The following PROM1 variants were observed in gnomAD, a reference collection of about 807,000 sequenced individuals.
PROM1 encodes the protein prominin 1, also known as prominin-1.
Under a neutral mutation model 116.9 loss-of-function variants are expected in PROM1, and 105 were observed. The ratio of observed to expected loss-of-function variants is 0.90; its 90% CI spans 0.77 to 1.06. The LOEUF (loss-of-function observed/expected upper bound fraction) is 1.06, where lower values mean the gene tolerates loss of function less well. PROM1 is among the 50% of genes least tolerant of loss of function. PROM1 has a pLI of 0.00. For synonymous variants in PROM1, 393 were observed against 387.0 expected (o/e 1.02, Z -0.18); for missense variants, 1,122 against 1,045.2 (o/e 1.07, Z -1.01).
At chr4:16,066,476 A>G (rs937379656) in intron 2 of PROM1, among the ~76,000 whole-genome samples, 4 of 152,198 alleles carry the variant, frequency 2.6e-5, no homozygotes, top group Admixed American at 6.5e-5. Context: ...TAACTTGTGC[A>G]ATGCAGAGCT....
chr4:16,004,827 C>CTTTCTTTCT (rs369019851), intron 13 of PROM1, among the ~76,000 whole-genome samples: 3,283 of 122,078 alleles, frequency 0.027, 45 homozygotes, highest in Non-Finnish European at 0.039. Context: ...TTCTTTCTTT[C>CTTTCTTTCT]TTTTTCTTCC....
chr4:15,996,927 T>C (rs1301917506), intron 15 of PROM1, among the ~76,000 whole-genome samples: 1 of 152,174 alleles, frequency 6.6e-6, no homozygotes, highest in Admixed American at 6.5e-5. Flanking sequence ...CGCCCTGTTA[T>C]TTTTAGTTTC....
intron 27 of PROM1, among the ~76,000 whole-genome samples, 160 bp downstream of exon 27, chr4:15,970,883 G>T (rs1227226166): frequency 6.6e-6 from 1 of 152,108 alleles, no homozygotes; most frequent in Non-Finnish European, 1.5e-5. Context: ...GAACCTGCAG[G>T]TACAGAGGGT....
chr4:15,987,241 T>C (rs1719662140), intron 20 of PROM1, among the ~76,000 whole-genome samples: 1 of 152,166 alleles, frequency 6.6e-6, no homozygotes, highest in African/African-American at 2.4e-5. Flanking sequence ...GGACATGAGG[T>C]GCCCCAGACA....
intron 3 of PROM1, among the ~76,000 whole-genome samples, chr4:16,036,327 C>A (rs1449141479): frequency 1.3e-5 from 2 of 152,130 alleles, no homozygotes; most frequent in African/African-American, 4.8e-5. Context: ...ATATTCTGGT[C>A]CAGGAAATCT....
chr4:16,080,315 T>C lies in PROM1; in HGVS notation c.-213+3663A>G, dbSNP rs377031758. ...GCGGGCGGATCACGAGGTCAGGAGA[T>C]CGAGACCATCCTGGCTAACATGGTG... On this transcript the variant is annotated intron_variant, in intron 1 of 27. Coordinates refer to ENST00000447510, the MANE Select transcript of PROM1 (RefSeq NM_006017.3). Among the ~76,000 whole-genome samples, 23 of 151,784 alleles carry C rather than the reference T, an allele frequency of 1.5e-4. No homozygotes were observed. The East Asian group carries it at 3.5e-3, about 23-fold the overall frequency.
At chr4:15,987,942 T>C (rs527434919) in intron 19 of PROM1, among the ~76,000 whole-genome samples, 10 of 148,452 alleles carry the variant, frequency 6.7e-5, no homozygotes. Flanking sequence ...AGTGGCACGA[T>C]CTCAGCTCAC....
intron 4 of PROM1, among the ~76,000 whole-genome samples, chr4:16,033,902 C>CATATAT (rs35739890): frequency 7.3e-4 from 107 of 147,158 alleles, no homozygotes; most frequent in African/African-American, 2.5e-3. Flanking sequence ...TGAATGTGTA[C>CATATAT]ATATATATAT....
intron 8 of PROM1, among the ~76,000 whole-genome samples, chr4:16,019,132 T>C (rs752885729): frequency 1.3e-5 from 2 of 152,136 alleles, no homozygotes; most frequent in Non-Finnish European, 2.9e-5. Flanking sequence ...TCATGCAACA[T>C]GGGGGTTAGA....
intron 26 of PROM1, chr4:15,976,116 G>C (rs1355310970): frequency 2.2e-6 from 1 of 450,018 alleles, no homozygotes. Context: ...GTCGTAAGCA[G>C]AATGACCACA....
At chr4:16,015,280 A>T (rs1728026233) in intron 10 of PROM1, among the ~76,000 whole-genome samples, 1 of 125,926 alleles carries the variant, frequency 7.9e-6, no homozygotes, top group East Asian at 2.6e-4. Flanking sequence ...TGGGAGGCAG[A>T]GGTTGCAGTG....
At chr4:15,973,298 T>A (rs978074529) in intron 26 of PROM1, among the ~76,000 whole-genome samples, 1 of 151,990 alleles carries the variant, frequency 6.6e-6, no homozygotes, top group African/African-American at 2.4e-5. Context: ...AACAGAAAAA[T>A]TAGCTGAGCA....
chr4:15,991,057 T>A (rs956908054), intron 18 of PROM1, among the ~76,000 whole-genome samples, 165 bp downstream of exon 18: 2 of 152,196 alleles, frequency 1.3e-5, no homozygotes, highest in African/African-American at 2.4e-5. Context: ...TTGGGACACA[T>A]GGCAATGGCT....
At chr4:16,014,536 C>T (rs1001367167) in intron 10 of PROM1, among the ~76,000 whole-genome samples, 1 of 152,192 alleles carries the variant, frequency 6.6e-6, no homozygotes, top group African/African-American at 2.4e-5. Flanking sequence ...GTCTGGTAAA[C>T]ACATGTAGAC....
intron 2 of PROM1, among the ~76,000 whole-genome samples, chr4:16,058,090 G>A (rs1739460986): frequency 6.6e-6 from 1 of 152,158 alleles, no homozygotes; most frequent in African/African-American, 2.4e-5. Flanking sequence ...AGGAAACTGG[G>A]ACATAATCAA....
At chr4:16,027,885 C>T (rs1471537962) in intron 5 of PROM1, among the ~76,000 whole-genome samples, 1 of 152,144 alleles carries the variant, frequency 6.6e-6, no homozygotes, top group Non-Finnish European at 1.5e-5. Context: ...TCCTTACTCA[C>T]AAGATCATCA....
At chr4:16,036,611 C>A (rs1260918327) in intron 3 of PROM1, among the ~76,000 whole-genome samples, 2 of 152,190 alleles carry the variant, frequency 1.3e-5, no homozygotes, top group Non-Finnish European at 2.9e-5. Flanking sequence ...TAAAGAAAAA[C>A]ATTGACTCCT....
At chr4:16,041,437 T>G (rs1045285201) in intron 2 of PROM1, among the ~76,000 whole-genome samples, 2 of 152,242 alleles carry the variant, frequency 1.3e-5, no homozygotes, top group African/African-American at 4.8e-5. Flanking sequence ...TTTTAAGTTG[T>G]GAGCTCAACT....
At chr4:15,990,545 C>T (rs1262074988) in intron 18 of PROM1, among the ~76,000 whole-genome samples, 3 of 152,132 alleles carry the variant, frequency 2.0e-5, no homozygotes, top group Non-Finnish European at 2.9e-5. Flanking sequence ...TGTGCATGGG[C>T]GGGTGTGTTT....
Sources: gnomAD v4.1 joint callset for allele counts (sites outside exome capture counted in the v4.1 genomes callset) on GRCh38, gnomAD v4.1.1 for gene constraint, MANE v1.5 for transcripts, NCBI Gene and HGNC (gene_info 2026-07-23, HGNC 2026-07-21) for gene names.